Variants in RAB6A observed in about 807,000 individuals in gnomAD.
RAB6A encodes the protein ras-related protein Rab-6A.
RAB6A carries 8 observed loss-of-function variants against 32.3 expected under a neutral mutation model. The observed-to-expected ratio is 0.25, with a 90% CI of 0.15 to 0.45. The LOEUF is 0.45. Among genes scored for constraint, RAB6A ranks in the 20% least tolerant of loss-of-function variants. The pLI is 1.00. For synonymous variants in RAB6A, 73 were observed against 82.1 expected (o/e 0.89, Z 0.60); for missense variants, 104 against 249.4 (o/e 0.42, Z 3.93).
At chr11:73,726,893 A>G (rs1946232274) in intron 2 of RAB6A, among the ~76,000 whole-genome samples, 1 of 152,168 alleles carries the variant, frequency 6.6e-6, no homozygotes, top group Non-Finnish European at 1.5e-5. Context: ...GAATAAAAAA[A>G]TTGGAAGGAT....
intron 1 of RAB6A, among the ~76,000 whole-genome samples, chr11:73,736,674 C>G (rs1376008224): frequency 6.6e-6 from 1 of 151,336 alleles, no homozygotes; most frequent in East Asian, 1.9e-4. Context: ...TGCCTGTAAT[C>G]CCAGCTACTC....
At chr11:73,720,017 G>A (rs560921577) in intron 3 of RAB6A, among the ~76,000 whole-genome samples, 31 of 151,844 alleles carry the variant, frequency 2.0e-4, no homozygotes, top group African/African-American at 6.8e-4. Flanking sequence ...ATTAAATAAT[G>A]TTTTTGGGTG....
chr11:73,679,624 G>A, intron 7 of RAB6A, 30 bp downstream of exon 7: 2 of 1,612,540 alleles, frequency 1.2e-6, no homozygotes, highest in Non-Finnish European at 1.7e-6. Flanking sequence ...TGTTAATAAT[G>A]AAAAATTTCC....
intron 1 of RAB6A, among the ~76,000 whole-genome samples, chr11:73,738,407 C>T (rs1158584926): frequency 6.6e-6 from 1 of 152,012 alleles, no homozygotes; most frequent in Non-Finnish European, 1.5e-5. Flanking sequence ...CCCAGATACT[C>T]GGGAAGCTGA....
At chr11:73,704,165 T>C (rs1256371281) in intron 6 of RAB6A, 2 of 412,990 alleles carry the variant, frequency 4.8e-6, no homozygotes, top group African/African-American at 2.0e-5. Flanking sequence ...GAGGATCACC[T>C]GAGTCTAGGA....
rs1047705853 is a variant in RAB6A at position 73,760,994 on chromosome 11, C to T, written c.-359G>A. On this transcript the variant is annotated 5_prime_UTR_variant, in exon 1 of 8. Transcript: ENST00000336083. ...AAGCTGAGGGTGGCGGAGCCGGAACCGCAGACGTATCTGGGACCTCTCACG... is the reference window on the plus strand; with the variant it reads ...AAGCTGAGGGTGGCGGAGCCGGAACTGCAGACGTATCTGGGACCTCTCACG... The T allele has an allele frequency of 1.2e-4, 26 of 225,426 alleles. No individual in the cohort carries two copies. The highest frequency in any genetic ancestry group is 4.7e-4 in the Admixed American group (8 of 17,108). The allele number at this position is 225,426 out of a possible 1,614,324, so 14.0% of individuals were successfully genotyped here. A position where few individuals can be genotyped will look rare whatever the true frequency, so the allele number is the denominator to read the frequency against.
intron 5 of RAB6A, among the ~76,000 whole-genome samples, chr11:73,709,639 G>A (rs1945909255): frequency 6.7e-6 from 1 of 149,860 alleles, no homozygotes; most frequent in Non-Finnish European, 1.5e-5. Context: ...CAGCCCCACT[G>A]TTTACATTTT....
chr11:73,721,626 A>G (rs1257070721), intron 2 of RAB6A, among the ~76,000 whole-genome samples: 1 of 152,194 alleles, frequency 6.6e-6, no homozygotes, highest in East Asian at 1.9e-4. Context: ...AGGGGAGATA[A>G]ATAAAAAGAA....
intron 6 of RAB6A, among the ~76,000 whole-genome samples, chr11:73,696,692 T>A (rs1436366679): frequency 5.3e-5 from 8 of 151,646 alleles, no homozygotes; most frequent in Non-Finnish European, 1.0e-4. Flanking sequence ...TGCAGCCTCA[T>A]CCACCCAGGC....
intron 6 of RAB6A, among the ~76,000 whole-genome samples, chr11:73,702,262 A>G (rs1945757357): frequency 6.6e-6 from 1 of 152,148 alleles, no homozygotes; most frequent in African/African-American, 2.4e-5. Flanking sequence ...CCTGGGCTCA[A>G]GCAATCCTCT....
At chr11:73,752,023 A>G (rs561417712) in intron 1 of RAB6A, among the ~76,000 whole-genome samples, 1 of 152,332 alleles carries the variant, frequency 6.6e-6, no homozygotes, top group African/African-American at 2.4e-5. Context: ...TTTGAGGACC[A>G]CATCAAACAG....
intron 6 of RAB6A, among the ~76,000 whole-genome samples, chr11:73,689,684 T>C (rs1452679557): frequency 1.3e-5 from 2 of 152,212 alleles, no homozygotes; most frequent in Non-Finnish European, 2.9e-5. Flanking sequence ...ACCACCACTT[T>C]GGGTTGTCCT....
chr11:73,699,899 A>T (rs1303668296), intron 6 of RAB6A, among the ~76,000 whole-genome samples: 2 of 152,214 alleles, frequency 1.3e-5, no homozygotes, highest in Non-Finnish European at 2.9e-5. Flanking sequence ...CATAAGGTAC[A>T]TATACTATTT....
Position 73,707,290 on chromosome 11 carries a change from T to C in RAB6A, c.495+130A>G. On this transcript the variant is annotated intron_variant, in intron 6 of 7. Coordinates refer to ENST00000336083, the MANE Select transcript of RAB6A (RefSeq NM_198896.2). ...ACTATGCCACATTTATATTTTTCAC[T>C]GTTTGAAAATATACTGCTAGTTTGT... 3.3e-6 allele frequency: 2 copies of C among 608,670 alleles called. No homozygotes were observed. The highest frequency in any genetic ancestry group is 5.7e-6 in the Non-Finnish European group (2 of 352,120). The allele number at this position is 608,670 out of a possible 1,614,324, so 37.7% of individuals were successfully genotyped here.
chr11:73,679,141 G>A (rs1000369160), intron 7 of RAB6A, among the ~76,000 whole-genome samples: 2 of 152,110 alleles, frequency 1.3e-5, no homozygotes, highest in Non-Finnish European at 2.9e-5. Flanking sequence ...ACACTAGAAG[G>A]TGAATATGAA....
chr11:73,718,806 C>T, intron 3 of RAB6A, 88 bp from the exon 4 acceptor site: 2 of 1,613,846 alleles, frequency 1.2e-6, no homozygotes, highest in African/African-American at 1.3e-5. Context: ...TAAACTACTA[C>T]AGCTGCAGCA....
chr11:73,711,648 G>T (rs1183500731), intron 5 of RAB6A, among the ~76,000 whole-genome samples: 2 of 152,166 alleles, frequency 1.3e-5, no homozygotes, highest in Non-Finnish European at 2.9e-5. Flanking sequence ...CTAGAAGTGG[G>T]ATTTCCAGGT....
chr11:73,683,979 ATTATT>A (rs1945399884), intron 6 of RAB6A, among the ~76,000 whole-genome samples: 1 of 152,222 alleles, frequency 6.6e-6, no homozygotes, highest in Non-Finnish European at 1.5e-5. Context: ...TATTAATAGT[ATTATT>A]TTAAGAAATT....
intron 1 of RAB6A, among the ~76,000 whole-genome samples, chr11:73,731,684 T>G (rs896717074): frequency 6.9e-5 from 1 of 14,526 alleles, no homozygotes; most frequent in African/African-American, 1.9e-4. Context: ...TAGATAGATA[T>G]TATATATATA....
Sources: allele counts gnomAD v4.1 joint callset (sites outside exome capture counted in the v4.1 genomes callset), GRCh38; gene constraint gnomAD v4.1.1; transcripts MANE v1.5; gene names NCBI Gene and HGNC (gene_info 2026-07-23, HGNC 2026-07-21).